The following C19orf38 variants were observed in gnomAD, a reference collection of about 807,000 sequenced individuals.
C19orf38 encodes the protein protein HIDE1.
C19orf38 carries 14 observed loss-of-function variants against 26.6 expected under a neutral mutation model. That is an observed-to-expected ratio of 0.53 (90% CI 0.35 to 0.82). The LOEUF (loss-of-function observed/expected upper bound fraction) is 0.82, where lower values mean the gene tolerates loss of function less well. Ranked by LOEUF, C19orf38 falls within the 40% of genes least tolerant of loss-of-function variation. C19orf38 has a pLI of 0.01. For missense variants in C19orf38, 261 were observed against 299.5 expected (o/e 0.87, Z 0.95); for synonymous variants, 132 against 128.5 (o/e 1.03, Z -0.18).
intron 3 of C19orf38, 90 bp from the exon 4 acceptor site, chr19:10,858,226 T>TAAAAAAAAAAAAA: frequency 1.2e-5 from 4 of 320,732 alleles, no homozygotes; most frequent in East Asian, 1.3e-4. Context: ...AGACTCTGTC[T>TAAAAAAAAAAAAA]AAAAAAAAAA....
chr19:10,852,292 A>C (rs1049417396), intron 2 of C19orf38, among the ~76,000 whole-genome samples: 15 of 152,164 alleles, frequency 9.9e-5, no homozygotes, highest in African/African-American at 3.6e-4. Flanking sequence ...CTGAGCACTT[A>C]CTATGGACCA....
At chr19:10,841,759 G>A (rs1314273656) in intron 1 of C19orf38, 3 of 771,374 alleles carry the variant, frequency 3.9e-6, no homozygotes, top group African/African-American at 1.7e-5. Flanking sequence ...GATCTCTTGA[G>A]CCCAGGAGTT....
intron 4 of C19orf38, 75 bp from the exon 5 acceptor site, chr19:10,859,840 G>A: frequency 7.1e-7 from 1 of 1,405,674 alleles, no homozygotes; most frequent in Non-Finnish European, 9.8e-7. Flanking sequence ...TTTGGGGCCA[G>A]GGCTTTCCCG....
chr19:10,859,974 C>CACACTGGAG lies in C19orf38; in HGVS notation c.505+16_505+17insACACTGGAG. ...GACAGCACAGGTCTGTGCCTCCACA[C>CACACTGGAG]TCCTGACTCCAGTGGGGAAAGGATT... On this transcript the variant is annotated intron_variant, in intron 5 of 6. Transcript: ENST00000397820. 2.6e-6 allele frequency: 4 copies of CACACTGGAG among 1,548,870 alleles called. No individual in the cohort carries two copies. The highest frequency in any genetic ancestry group is 3.5e-6 in the Non-Finnish European group (4 of 1,144,222).
rs1433358051 is a variant in C19orf38, at chr19:10,857,366, A to ATATATATATATT, written c.434-949_434-948insATATATATATTT. 5.0e-3 allele frequency among the ~76,000 whole-genome samples: 281 copies of ATATATATATATT among 56,044 alleles called. 2 individuals carry two copies. Among genetic ancestry groups the ATATATATATATT allele is most frequent in the Non-Finnish European group, 6.1e-3 (229 of 37,800 alleles). 36.8% of individuals were successfully genotyped at this position (56,044 alleles called of 152,430 possible). Reference sequence around the variant, plus strand: ...TATATATATATATATATATATATATATTTTTTTTTTTTTTTTTTTAAGATG... The same window carrying ATATATATATATT: ...TATATATATATATATATATATATATATATATATATATTTTTTTTTTTTTTTTTTTTTAAGATG... On this transcript the variant is annotated intron_variant, in intron 3 of 6. Coordinates refer to ENST00000397820, the MANE Select transcript of C19orf38 (RefSeq NM_001136482.3).
At chr19:10,860,697 T>C (rs2073689175) in intron 5 of C19orf38, among the ~76,000 whole-genome samples, 1 of 144,228 alleles carries the variant, frequency 6.9e-6, no homozygotes, top group South Asian at 2.2e-4. Flanking sequence ...AAAAATTAGG[T>C]GGGCGTGGTG....
intron 4 of C19orf38, 113 bp downstream of exon 4, chr19:10,858,456 G>C: frequency 9.6e-7 from 1 of 1,037,474 alleles, no homozygotes; most frequent in South Asian, 1.5e-5. Flanking sequence ...TGGGCATGCT[G>C]CGTAATAGGA....
intron 1 of C19orf38, among the ~76,000 whole-genome samples, chr19:10,837,843 A>G (rs1472121151): frequency 1.3e-5 from 2 of 151,978 alleles, no homozygotes; most frequent in East Asian, 3.9e-4. Flanking sequence ...TCTGTTGCCC[A>G]GGCTGGGGTG....
At chr19:10,861,787 T>A (rs1003069867) in intron 5 of C19orf38, among the ~76,000 whole-genome samples, 1 of 151,868 alleles carries the variant, frequency 6.6e-6, no homozygotes, top group Non-Finnish European at 1.5e-5. Flanking sequence ...CATGTTGGCC[T>A]GGCTGGTCTC....
rs2073781676 is a variant in C19orf38 at position 10,869,355 on chromosome 19, G to A, written c.681G>A (p.Arg227=). The A allele has an allele frequency of 6.5e-7, 1 of 1,550,382 alleles. No individual in the cohort carries two copies. The highest frequency in any genetic ancestry group is 1.2e-5 in the South Asian group (1 of 83,982). The stretch of plus-strand genomic sequence containing the variant: ...AGACCCCCGAATTCAGCACTTTCCG[G>A]GCCTGCCAGTGAGGCTGAGGACTGG... ...SPETPEFSTF[R]ACQ is the part of the protein sequence containing the mutation. Residue 227 remains arginine (R), a synonymous_variant, in exon 7 of 7, where the codon CGG becomes CGA. Coordinates refer to ENST00000397820, the MANE Select transcript of C19orf38 (RefSeq NM_001136482.3).
At chr19:10,858,237 A>AC in intron 3 of C19orf38, 79 bp from the exon 4 acceptor site, 2 of 1,172,170 alleles carry the variant, frequency 1.7e-6, no homozygotes, top group South Asian at 1.7e-5. Flanking sequence ...AAAAAAAAAA[A>AC]AAAAAAAAAA....
chr19:10,852,645 G>A (rs1238550622), intron 2 of C19orf38, among the ~76,000 whole-genome samples: 1 of 152,208 alleles, frequency 6.6e-6, no homozygotes, highest in East Asian at 1.9e-4. Context: ...AGGCCCCGAG[G>A]CTGAAGCTTC....
intron 3 of C19orf38, among the ~76,000 whole-genome samples, chr19:10,857,374 T>A (rs1419449318): frequency 2.0e-4 from 19 of 96,772 alleles, no homozygotes; most frequent in South Asian, 6.3e-4. Context: ...ATATTTTTTT[T>A]TTTTTTTTTT....
chr19:10,855,029 TC>T (rs1284536584), intron 2 of C19orf38, among the ~76,000 whole-genome samples: 5 of 146,484 alleles, frequency 3.4e-5, no homozygotes, highest in African/African-American at 1.2e-4. Context: ...AGATATATAT[TC>T]TTTTTTTTTT....
At chr19:10,842,623 G>C (rs1175262718) in intron 1 of C19orf38, among the ~76,000 whole-genome samples, 1 of 152,060 alleles carries the variant, frequency 6.6e-6, no homozygotes, top group Non-Finnish European at 1.5e-5. Flanking sequence ...TGTAGTCCCA[G>C]CAACACAGGA....
At chr19:10,847,589 G>A (rs138887539), upstream of C19orf38, among the ~76,000 whole-genome samples, 160 of 150,828 alleles carry the variant, frequency 1.1e-3, no homozygotes, top group African/African-American at 3.6e-3. Flanking sequence ...GCCTGGTCTC[G>A]AACTCCTGAC....
chr19:10,839,760 G>T (rs890978920), intron 1 of C19orf38, among the ~76,000 whole-genome samples: 48 of 137,800 alleles, frequency 3.5e-4, no homozygotes, highest in South Asian at 2.2e-3. Flanking sequence ...AGACAGTCTC[G>T]CTGTGTTACT....
In C19orf38 at chr19:10,857,504, C is replaced by G. The variant is rs903786412; in HGVS notation, c.434-812C>G. On this transcript the variant is annotated intron_variant, in intron 3 of 6. Coordinates refer to ENST00000397820, the MANE Select transcript of C19orf38 (RefSeq NM_001136482.3). ...TCTCGACTCAGTGCAACCTCCGCCT[C>G]CCAGGTTAAAGTGATTCTCCTGCCT... Among the ~76,000 whole-genome samples the G allele has an allele frequency of 2.1e-4, 31 of 149,662 alleles. 1 individual carries two copies. Among genetic ancestry groups the G allele is most frequent in the African/African-American group, 6.9e-4 (28 of 40,732 alleles).
At chr19:10,857,367 T>TATA (rs1491341895) in intron 3 of C19orf38, among the ~76,000 whole-genome samples, 41 of 43,350 alleles carry the variant, frequency 9.5e-4, no homozygotes, top group African/African-American at 3.3e-3. Flanking sequence ...TATATATATA[T>TATA]TTTTTTTTTT....
Sources: allele counts gnomAD v4.1 joint callset (sites outside exome capture counted in the v4.1 genomes callset), GRCh38; gene constraint gnomAD v4.1.1; transcripts MANE v1.5; gene names NCBI Gene and HGNC (gene_info 2026-07-23, HGNC 2026-07-21).